Variants in FER observed in about 807,000 individuals in gnomAD.
FER encodes the protein FER tyrosine kinase, also known as tyrosine-protein kinase Fer.
A neutral mutation model predicts 111.0 loss-of-function variants in FER; 63 were observed. The observed-to-expected ratio is 0.57, with a 90% CI of 0.46 to 0.70. The LOEUF (loss-of-function observed/expected upper bound fraction) is 0.70. Ranked by LOEUF, FER falls within the 30% of genes least tolerant of loss-of-function variation. The pLI is 0.00. For missense variants in FER, 914 were observed against 954.0 expected (o/e 0.96, Z 0.55); for synonymous variants, 327 against 313.9 (o/e 1.04, Z -0.44).
intron 12 of FER, among the ~76,000 whole-genome samples, chr5:108,956,166 A>G (rs1309283396): frequency 6.6e-6 from 1 of 151,582 alleles, no homozygotes; most frequent in Non-Finnish European, 1.5e-5. Flanking sequence ...ATAATGTGTC[A>G]TTTTTTATTT....
chr5:108,871,260 A>C, intron 6 of FER, 105 bp from the exon 7 acceptor site: 2 of 894,442 alleles, frequency 2.2e-6, no homozygotes, highest in Non-Finnish European at 3.4e-6. Context: ...CCATCTGTAC[A>C]TTTCAACATT....
At chr5:108,841,751 G>A in intron 5 of FER, 4 of 315,034 alleles carry the variant, frequency 1.3e-5, no homozygotes, top group South Asian at 2.8e-5. Context: ...GTGAGAGTGA[G>A]AGCCAAGTGG....
At chr5:108,864,737 A>C (rs1330727060) in intron 5 of FER, among the ~76,000 whole-genome samples, 1 of 152,186 alleles carries the variant, frequency 6.6e-6, no homozygotes, top group Non-Finnish European at 1.5e-5. Context: ...TGGTACCAGT[A>C]CCATGCTGTT....
chr5:109,119,835 C>G (rs564552113), intron 17 of FER, among the ~76,000 whole-genome samples: 37 of 152,156 alleles, frequency 2.4e-4, no homozygotes, highest in African/African-American at 8.7e-4. Context: ...AAAATGACAT[C>G]TCATTTTAGC....
chr5:109,114,075 A>AC (rs1749950033), intron 17 of FER, among the ~76,000 whole-genome samples: 1 of 152,150 alleles, frequency 6.6e-6, no homozygotes, highest in Non-Finnish European at 1.5e-5. Context: ...TAGAATTGAA[A>AC]GTCTGTGTGT....
intron 8 of FER, among the ~76,000 whole-genome samples, chr5:108,878,494 C>T (rs538330903): frequency 7.9e-5 from 12 of 151,704 alleles, no homozygotes; most frequent in Non-Finnish European, 1.8e-4. Context: ...TTTTTTTTAA[C>T]ATGTATTAAA....
chr5:108,921,850 TTGA>T (rs776694375), intron 10 of FER, among the ~76,000 whole-genome samples: 26 of 152,178 alleles, frequency 1.7e-4, no homozygotes, highest in Non-Finnish European at 3.2e-4. Flanking sequence ...GCCCCAGCAA[TTGA>T]TGATCACATC....
intron 3 of FER, among the ~76,000 whole-genome samples, chr5:108,815,327 A>T (rs566524028): frequency 1.3e-4 from 20 of 152,204 alleles, no homozygotes; most frequent in African/African-American, 4.8e-4. Flanking sequence ...ATATTTCTAG[A>T]AATTTCCTCT....
chr5:108,996,461 G>T (rs1003864785), intron 13 of FER, among the ~76,000 whole-genome samples: 5 of 152,190 alleles, frequency 3.3e-5, no homozygotes, highest in African/African-American at 4.8e-5. Context: ...AAGGGGTCCA[G>T]TTTCAGTTTT....
intron 1 of FER, among the ~76,000 whole-genome samples, chr5:108,752,787 G>A (rs967663268): frequency 1.3e-5 from 2 of 151,930 alleles, no homozygotes; most frequent in African/African-American, 4.8e-5. Flanking sequence ...TGCATGTTTG[G>A]AATTATTTTA....
intron 16 of FER, among the ~76,000 whole-genome samples, chr5:109,075,492 C>T (rs1387757004): frequency 2.0e-5 from 3 of 148,054 alleles, no homozygotes; most frequent in Admixed American, 6.8e-5. Flanking sequence ...GGCGCAATCT[C>T]GACTCACTGC....
intron 17 of FER, among the ~76,000 whole-genome samples, chr5:109,135,339 A>G (rs1752775521): frequency 6.6e-6 from 1 of 152,212 alleles, no homozygotes; most frequent in African/African-American, 2.4e-5. Flanking sequence ...ACTGAAGTAC[A>G]GAGAGGTTAA....
At chr5:109,001,483 T>A (rs930955774) in intron 13 of FER, among the ~76,000 whole-genome samples, 1 of 152,158 alleles carries the variant, frequency 6.6e-6, no homozygotes, top group South Asian at 2.1e-4. Flanking sequence ...GGGACATATC[T>A]CAAAGTAATA....
At chr5:108,845,689 G>A (rs2150172306) in intron 5 of FER, among the ~76,000 whole-genome samples, 1 of 152,074 alleles carries the variant, frequency 6.6e-6, no homozygotes, top group East Asian at 1.9e-4. Context: ...AACAATGTTG[G>A]CTTGCCTTGT....
At chr5:109,026,112 A>G (rs546788729) in intron 13 of FER, among the ~76,000 whole-genome samples, 76 of 152,322 alleles carry the variant, frequency 5.0e-4, no homozygotes, top group South Asian at 2.9e-3. Flanking sequence ...ATACTATCCT[A>G]TAATAAACAA....
chr5:109,013,076 ATTTAAT>A (rs1766515608), intron 13 of FER, among the ~76,000 whole-genome samples: 1 of 149,352 alleles, frequency 6.7e-6, no homozygotes, highest in Non-Finnish European at 1.5e-5. Context: ...TTTTAATTTA[ATTTAAT>A]TTTATTATTA....
chr5:108,871,236 G>A (rs1306174525), intron 6 of FER, 129 bp from the exon 7 acceptor site: 3 of 618,606 alleles, frequency 4.8e-6, no homozygotes, highest in Non-Finnish European at 8.2e-6. Flanking sequence ...GAAATAAGGT[G>A]GTACAGGAAA....
At chr5:108,860,253 G>T (rs6594340) in intron 5 of FER, among the ~76,000 whole-genome samples, 70,828 of 151,320 alleles carry the variant, frequency 0.47, 20,099 homozygotes, top group African/African-American at 0.81. Flanking sequence ...ACCTATTTTT[G>T]TTTTTAATGC....
At chr5:109,187,364 A>ATGCCCTG in intron 19 of FER, 69 bp from the exon 20 acceptor site, 1 of 1,514,590 alleles carries the variant, frequency 6.6e-7, no homozygotes, top group Non-Finnish European at 9.0e-7. Context: ...TAACTGCATA[A>ATGCCCTG]TGCCCTGTGT....
Sources: gnomAD v4.1 joint callset for allele counts (sites outside exome capture counted in the v4.1 genomes callset) on GRCh38, gnomAD v4.1.1 for gene constraint, MANE v1.5 for transcripts, NCBI Gene and HGNC (gene_info 2026-07-23, HGNC 2026-07-21) for gene names.